Variants in ST8SIA5 observed in about 807,000 individuals in gnomAD.
The protein encoded by ST8SIA5 is alpha-2,8-sialyltransferase 8E.
A neutral mutation model predicts 40.2 loss-of-function variants in ST8SIA5; 24 were observed. The observed-to-expected ratio is 0.60, with a 90% CI of 0.43 to 0.84. ST8SIA5 has a LOEUF of 0.84. Among genes scored for constraint, ST8SIA5 ranks in the 40% least tolerant of loss-of-function variants. The probability of loss-of-function intolerance (pLI) is 0.00; values close to 1 mark genes in which losing one functional copy is unlikely to be tolerated. For missense variants in ST8SIA5, 465 were observed against 498.5 expected (o/e 0.93, Z 0.64); for synonymous variants, 198 against 201.8 (o/e 0.98, Z 0.16).
intron 1 of ST8SIA5, among the ~76,000 whole-genome samples, chr18:46,711,824 C>T (rs775553710): frequency 5.9e-5 from 9 of 152,212 alleles, no homozygotes; most frequent in Non-Finnish European, 1.2e-4. Context: ...GTCCATGGCC[C>T]GGCTCAGCAG....
intron 1 of ST8SIA5, among the ~76,000 whole-genome samples, chr18:46,740,793 C>A (rs2144559188): frequency 6.6e-6 from 1 of 152,290 alleles, no homozygotes; most frequent in South Asian, 2.1e-4. Context: ...AAAATAGCCC[C>A]TGGTAACAGT....
At chr18:46,692,510 T>C (rs2144483073) in intron 2 of ST8SIA5, among the ~76,000 whole-genome samples, 1 of 152,132 alleles carries the variant, frequency 6.6e-6, no homozygotes, top group Middle Eastern at 3.4e-3. Flanking sequence ...TTCAAGTGAT[T>C]CTCGTGCCTC....
Position 46,675,481 on chromosome 18 carries a change from G to A in ST8SIA5, c.*4561C>T, listed in dbSNP as rs2039333826. The A allele has an allele frequency of 6.6e-6, 1 of 152,214 alleles. No homozygotes were observed. The highest frequency in any genetic ancestry group is 6.5e-5 in the Admixed American group (1 of 15,270). 9.4% of individuals were successfully genotyped at this position (152,214 alleles called of 1,614,324 possible). On this transcript the variant is annotated 3_prime_UTR_variant, in exon 7 of 7. Transcript: ENST00000315087. ...GACATGTTGAGGTCTGAGATGCTGTGCAGACACAGACATGCAGGAGGCCAC... is the reference window on the plus strand; with the variant it reads ...GACATGTTGAGGTCTGAGATGCTGTACAGACACAGACATGCAGGAGGCCAC...
At position 46,691,112 on chromosome 18, in the gene ST8SIA5, C is replaced by G. The variant is rs150679859; in HGVS notation, c.311+1057G>C. ...GCAGCACAGATTATGGTTCTATTCTCTACTCTCCCAGCACTTTGCTCAAGC... is the reference window on the plus strand; with the variant it reads ...GCAGCACAGATTATGGTTCTATTCTGTACTCTCCCAGCACTTTGCTCAAGC... On this transcript the variant is annotated intron_variant, in intron 3 of 6. Transcript: ENST00000315087. Among the ~76,000 whole-genome samples the G allele has an allele frequency of 1.8e-3, 268 of 152,340 alleles. 4 individuals carry two copies. Among genetic ancestry groups the G allele is most frequent in the Middle Eastern group, 6.8e-3 (2 of 294 alleles).
At chr18:46,721,437 T>C (rs1310640110) in intron 1 of ST8SIA5, 22 of 1,536,038 alleles carry the variant, frequency 1.4e-5, no homozygotes, top group Non-Finnish European at 1.8e-5. Flanking sequence ...ATTGGTCAGC[T>C]GGTCACCACT....
intron 1 of ST8SIA5, among the ~76,000 whole-genome samples, chr18:46,712,988 C>A (rs2039748471): frequency 6.6e-6 from 1 of 152,194 alleles, no homozygotes; most frequent in South Asian, 2.1e-4. Context: ...CAATCACTTG[C>A]TCTGCAGTAG....
chr18:46,713,692 G>A (rs1386639692), intron 1 of ST8SIA5, among the ~76,000 whole-genome samples: 1 of 152,166 alleles, frequency 6.6e-6, no homozygotes, highest in African/African-American at 2.4e-5. Flanking sequence ...AGGACAGATG[G>A]GCCATATGCA....
chr18:46,738,770 G>C (rs986581589), intron 1 of ST8SIA5, among the ~76,000 whole-genome samples: 1 of 152,102 alleles, frequency 6.6e-6, no homozygotes, highest in Non-Finnish European at 1.5e-5. Flanking sequence ...CGAACAGAAG[G>C]CTTTGTCCCC....
rs2039383180 is a variant in ST8SIA5 at position 46,680,512 on chromosome 18, T to A, written c.663-2A>T. 6.3e-7 allele frequency: 1 copy of A among 1,580,670 alleles called. No homozygotes were observed. Among genetic ancestry groups the A allele is most frequent in the African/African-American group, 1.3e-5 (1 of 74,396 alleles). Reference sequence around the variant, plus strand: ...CGCCACTTCTCCAGCTTGTGGAACCTACACAGGGCGCGAGTGAGAGGTGAG... The same window carrying A: ...CGCCACTTCTCCAGCTTGTGGAACCAACACAGGGCGCGAGTGAGAGGTGAG... On this transcript the variant is annotated splice_acceptor_variant, in intron 6 of 6. Transcript: ENST00000315087. LOFTEE classifies it high-confidence loss of function.
At chr18:46,727,064 TG>T (rs748591378) in intron 1 of ST8SIA5, among the ~76,000 whole-genome samples, 1 of 152,218 alleles carries the variant, frequency 6.6e-6, no homozygotes, top group Non-Finnish European at 1.5e-5. Flanking sequence ...AAGCTAGAAT[TG>T]AACACAGCCC....
chr18:46,725,972 A>AAATAT (rs59660372), intron 1 of ST8SIA5, among the ~76,000 whole-genome samples: 25 of 29,070 alleles, frequency 8.6e-4, no homozygotes, highest in East Asian at 4.3e-3. Flanking sequence ...AAAAAAAAAA[A>AAATAT]ATATATATAT....
chr18:46,690,578 A>G (rs1246840957), intron 3 of ST8SIA5, among the ~76,000 whole-genome samples: 2 of 144,284 alleles, frequency 1.4e-5, no homozygotes, highest in Admixed American at 6.9e-5. Context: ...CTATTGCTTC[A>G]TGTTTCCTGA....
chr18:46,719,327 G>A (rs532506086), intron 1 of ST8SIA5, among the ~76,000 whole-genome samples: 2 of 152,182 alleles, frequency 1.3e-5, no homozygotes, highest in Non-Finnish European at 2.9e-5. Context: ...GGAGAGAGGG[G>A]CAGAGAAAAT....
chr18:46,718,246 C>A (rs775315519), intron 1 of ST8SIA5, among the ~76,000 whole-genome samples: 3 of 148,538 alleles, frequency 2.0e-5, no homozygotes, highest in Non-Finnish European at 4.4e-5. Context: ...AGGAGAATTG[C>A]TTGAACCCGG....
At chr18:46,712,748 T>G (rs2039745963) in intron 1 of ST8SIA5, among the ~76,000 whole-genome samples, 1 of 152,196 alleles carries the variant, frequency 6.6e-6, no homozygotes, top group Admixed American at 6.5e-5. Flanking sequence ...AACTGGCCAG[T>G]GTCCCCACTC....
intron 2 of ST8SIA5, among the ~76,000 whole-genome samples, chr18:46,694,023 C>A (rs1001437851): frequency 1.3e-5 from 2 of 152,188 alleles, no homozygotes; most frequent in African/African-American, 4.8e-5. Flanking sequence ...ACAGAAATGT[C>A]CAGAATTCTC....
chr18:46,673,487 G>A lies in ST8SIA5; in HGVS notation c.*6555C>T, dbSNP rs2039321163. 2 of 152,058 alleles carry A rather than the reference G, an allele frequency of 1.3e-5. No individual in the cohort carries two copies. The highest frequency in any genetic ancestry group is 1.3e-4 in the Admixed American group (2 of 15,276). The allele number at this position is 152,058 out of a possible 1,614,324, so 9.4% of individuals were successfully genotyped here. A position where few individuals can be genotyped will look rare whatever the true frequency, so the allele number is the denominator to read the frequency against. ...ACTGGTGGCAACTTCTGAACCACAA[G>A]CAGTTGTATGCTCAGGGAACAGATA... On this transcript the variant is annotated 3_prime_UTR_variant, in exon 7 of 7. Transcript: ENST00000315087.
rs879442907 is a variant in ST8SIA5 at position 46,710,407 on chromosome 18, C to CTGTCTT, written c.132-5744_132-5743insAAGACA. 0.01 allele frequency among the ~76,000 whole-genome samples: 1,195 copies of CTGTCTT among 116,114 alleles called. 27 individuals are homozygous for CTGTCTT. The East Asian group carries it at 0.1, about 10-fold the overall frequency. 76.2% of individuals were successfully genotyped at this position (116,114 alleles called of 152,430 possible). On this transcript the variant is annotated intron_variant, in intron 1 of 6. Coordinates refer to ENST00000315087, the MANE Select transcript of ST8SIA5 (RefSeq NM_013305.6). ...TCTTTCTTTCTTTCTTTCTTTCTTT[C>CTGTCTT]TTTCTTTCTTTTTCTTTCTCTCTCT...
At chr18:46,736,930 C>T (rs1384700917) in intron 1 of ST8SIA5, among the ~76,000 whole-genome samples, 1 of 152,076 alleles carries the variant, frequency 6.6e-6, no homozygotes, top group African/African-American at 2.4e-5. Context: ...CTCTGCAGGA[C>T]CTGTGGGCCC....
Sources: gnomAD v4.1 joint callset for allele counts (sites outside exome capture counted in the v4.1 genomes callset) on GRCh38, gnomAD v4.1.1 for gene constraint, MANE v1.5 for transcripts, NCBI Gene and HGNC (gene_info 2026-07-23, HGNC 2026-07-21) for gene names.